Variants in KCNK2 observed in about 807,000 individuals in gnomAD.
The protein encoded by KCNK2 is potassium two pore domain channel subfamily K member 2.
KCNK2 carries 21 observed loss-of-function variants against 40.5 expected under a neutral mutation model. The observed-to-expected ratio is 0.52, with a 90% confidence interval of 0.37 to 0.75. The LOEUF (loss-of-function observed/expected upper bound fraction) is 0.75, where lower values mean the gene tolerates loss of function less well. KCNK2 is among the 30% of genes least tolerant of loss of function. The pLI, the probability that KCNK2 is intolerant of heterozygous loss-of-function variation, is 0.00. For missense variants in KCNK2, 399 were observed against 531.6 expected (o/e 0.75, Z 2.45); for synonymous variants, 191 against 202.2 (o/e 0.94, Z 0.47).
intron 2 of KCNK2, among the ~76,000 whole-genome samples, chr1:215,086,903 C>A (rs1050775367): frequency 2.0e-5 from 3 of 152,162 alleles, no homozygotes; most frequent in African/African-American, 7.2e-5. Flanking sequence ...TCTTTTAGTT[C>A]TCTCTCCCAG....
chr1:215,219,927 T>G (rs909906033), intron 6 of KCNK2, among the ~76,000 whole-genome samples: 1 of 152,174 alleles, frequency 6.6e-6, no homozygotes, highest in African/African-American at 2.4e-5. Flanking sequence ...TGCAGCACAT[T>G]AGATGTTCCA....
intron 1 of KCNK2, among the ~76,000 whole-genome samples, chr1:215,072,425 A>G (rs1169368448): frequency 6.6e-6 from 1 of 152,250 alleles, no homozygotes; most frequent in African/African-American, 2.4e-5. Context: ...TTTAGCCTGC[A>G]AACACATTTT....
At chr1:215,091,624 G>A (rs563934633) in intron 2 of KCNK2, among the ~76,000 whole-genome samples, 1 of 152,270 alleles carries the variant, frequency 6.6e-6, no homozygotes, top group South Asian at 2.1e-4. Flanking sequence ...TACCATCCGT[G>A]AGTTTACATT....
chr1:215,144,047 T>A (rs1427528952), intron 3 of KCNK2, among the ~76,000 whole-genome samples: 1 of 152,196 alleles, frequency 6.6e-6, no homozygotes, highest in Non-Finnish European at 1.5e-5. Flanking sequence ...GTAAAGTATA[T>A]CTGCCTTTAC....
intron 2 of KCNK2, among the ~76,000 whole-genome samples, chr1:215,111,690 T>C (rs940393549): frequency 1.3e-5 from 2 of 152,148 alleles, no homozygotes; most frequent in Non-Finnish European, 2.9e-5. Flanking sequence ...TTATGATGGT[T>C]ATTTTGAATC....
intron 1 of KCNK2, among the ~76,000 whole-genome samples, chr1:215,016,584 CATAAT>C (rs965680475): frequency 1.3e-5 from 2 of 152,096 alleles, no homozygotes; most frequent in Non-Finnish European, 2.9e-5. Context: ...TCTCATCTCA[CATAAT>C]ATATAAAAAT....
chr1:215,068,704 T>C (rs1166169517), intron 1 of KCNK2, among the ~76,000 whole-genome samples: 2 of 152,228 alleles, frequency 1.3e-5, no homozygotes, highest in Non-Finnish European at 2.9e-5. Context: ...CATAATGTGA[T>C]ACTGGGTTGA....
intron 1 of KCNK2, among the ~76,000 whole-genome samples, chr1:215,057,606 G>A (rs558419510): frequency 1.3e-5 from 2 of 152,180 alleles, no homozygotes; most frequent in Admixed American, 1.3e-4. Context: ...TCTATTTTCT[G>A]TTTATAATAA....
intron 5 of KCNK2, among the ~76,000 whole-genome samples, chr1:215,173,114 C>T (rs1289916934): frequency 1.3e-5 from 2 of 152,260 alleles, no homozygotes; most frequent in East Asian, 3.9e-4. Context: ...TGCTATCCCT[C>T]CCCGCTCCCT....
chr1:215,220,480 A>G (rs1268256848), intron 6 of KCNK2, among the ~76,000 whole-genome samples: 1 of 151,992 alleles, frequency 6.6e-6, no homozygotes, highest in African/African-American at 2.4e-5. Context: ...ACACTCTGCT[A>G]CCACCCCTTG....
intron 6 of KCNK2, among the ~76,000 whole-genome samples, chr1:215,201,799 C>T (rs573555113): frequency 1.3e-5 from 2 of 152,270 alleles, no homozygotes; most frequent in African/African-American, 2.4e-5. Flanking sequence ...GAAGCTTTGA[C>T]TAAGAAGGTA....
At chr1:215,093,188 A>C (rs1262444128) in intron 2 of KCNK2, among the ~76,000 whole-genome samples, 2 of 151,724 alleles carry the variant, frequency 1.3e-5, no homozygotes, top group Non-Finnish European at 2.9e-5. Flanking sequence ...AACATGTAGC[A>C]ATCTGTAAGG....
intron 1 of KCNK2, among the ~76,000 whole-genome samples, chr1:215,038,335 T>G (rs1657454208): frequency 6.6e-6 from 1 of 152,054 alleles, no homozygotes; most frequent in Non-Finnish European, 1.5e-5. Flanking sequence ...ATGACTCTTT[T>G]GTTCATGTCA....
At chr1:215,158,552 G>T (rs1050888217) in intron 3 of KCNK2, among the ~76,000 whole-genome samples, 4 of 151,994 alleles carry the variant, frequency 2.6e-5, no homozygotes, top group African/African-American at 7.2e-5. Context: ...AATGCCACAG[G>T]GAGGATAAAA....
At chr1:215,116,315 A>G (rs1310435139) in intron 2 of KCNK2, among the ~76,000 whole-genome samples, 2 of 152,092 alleles carry the variant, frequency 1.3e-5, no homozygotes, top group African/African-American at 4.8e-5. Context: ...CTGTTTTAGG[A>G]ACCGTGACTG....
At chr1:215,015,385 T>A (rs1305296593) in intron 1 of KCNK2, among the ~76,000 whole-genome samples, 1 of 152,158 alleles carries the variant, frequency 6.6e-6, no homozygotes, top group Non-Finnish European at 1.5e-5. Flanking sequence ...CATATCTGAC[T>A]GAATTAGCAG....
chr1:215,019,659 T>C (rs1348758167), intron 1 of KCNK2, among the ~76,000 whole-genome samples: 4 of 152,232 alleles, frequency 2.6e-5, no homozygotes, highest in South Asian at 2.1e-4. Context: ...AGGGAGAGAA[T>C]AGACAACATT....
chr1:215,149,566 C>T (rs1662592649), intron 3 of KCNK2, among the ~76,000 whole-genome samples: 1 of 152,110 alleles, frequency 6.6e-6, no homozygotes, highest in Non-Finnish European at 1.5e-5. Context: ...GAGTTATGGC[C>T]ATAGTTATCT....
intron 6 of KCNK2, among the ~76,000 whole-genome samples, chr1:215,217,130 T>A (rs1665994866): frequency 1.3e-5 from 2 of 152,212 alleles, no homozygotes; most frequent in Non-Finnish European, 2.9e-5. Flanking sequence ...GGCTTCTATT[T>A]CTTTTGCTGC....
Sources: allele counts gnomAD v4.1 joint callset (sites outside exome capture counted in the v4.1 genomes callset), GRCh38; gene constraint gnomAD v4.1.1; transcripts MANE v1.5; gene names NCBI Gene and HGNC (gene_info 2026-07-23, HGNC 2026-07-21).